The following CDH18 variants were observed in gnomAD, a reference collection of about 807,000 sequenced individuals.
CDH18 encodes the protein cadherin 18, also known as cadherin-18.
CDH18 carries 31 observed loss-of-function variants against 67.9 expected under a neutral mutation model. The observed-to-expected ratio is 0.46, with a 90% CI of 0.34 to 0.62. The LOEUF is 0.62. CDH18 is among the 20% of genes least tolerant of loss of function. The probability of loss-of-function intolerance (pLI) is 0.01; values close to 1 mark genes in which losing one functional copy is unlikely to be tolerated. For missense variants in CDH18, 890 were observed against 975.5 expected (o/e 0.91, Z 1.17); for synonymous variants, 362 against 347.2 (o/e 1.04, Z -0.48).
intron 2 of CDH18, among the ~76,000 whole-genome samples, chr5:19,953,887 A>G (rs780202673): frequency 7.9e-5 from 12 of 152,180 alleles, no homozygotes; most frequent in Middle Eastern, 3.4e-3. Flanking sequence ...AAAAGAAAAA[A>G]GATTTAATTA....
intron 1 of CDH18, among the ~76,000 whole-genome samples, chr5:20,501,556 A>AATATATATATATAATATATATATATT (rs1754288206): frequency 3.4e-4 from 20 of 58,426 alleles, no homozygotes; most frequent in Non-Finnish European, 4.4e-4. Flanking sequence ...TTATATATAT[A>AATATATATATATAATATATATATATT]ATATATATAT....
intron 3 of CDH18, among the ~76,000 whole-genome samples, chr5:19,792,060 G>T (rs1364590663): frequency 6.6e-6 from 1 of 152,082 alleles, no homozygotes; most frequent in Non-Finnish European, 1.5e-5. Flanking sequence ...TGATATAATG[G>T]TTAATTTTAC....
At chr5:19,816,491 A>G (rs1247433858) in intron 3 of CDH18, among the ~76,000 whole-genome samples, 2 of 151,870 alleles carry the variant, frequency 1.3e-5, no homozygotes, top group Non-Finnish European at 3.0e-5. Flanking sequence ...ATGTCTCCTT[A>G]GTTAAATTAT....
At chr5:20,113,026 T>C (rs1395402966) in intron 2 of CDH18, among the ~76,000 whole-genome samples, 4 of 152,224 alleles carry the variant, frequency 2.6e-5, no homozygotes, top group Non-Finnish European at 1.5e-5. Context: ...CACATTACAA[T>C]CATTGTTTCT....
intron 5 of CDH18, among the ~76,000 whole-genome samples, chr5:19,625,460 A>C (rs959099855): frequency 6.7e-6 from 1 of 148,676 alleles, no homozygotes; most frequent in South Asian, 2.1e-4. Flanking sequence ...GAGTGATTAC[A>C]AAAAAAAAGC....
At chr5:20,071,153 A>T (rs1743445079) in intron 2 of CDH18, among the ~76,000 whole-genome samples, 1 of 152,150 alleles carries the variant, frequency 6.6e-6, no homozygotes, top group African/African-American at 2.4e-5. Flanking sequence ...AGAAACAATG[A>T]GAAGCTACAG....
rs906992171 is a variant in CDH18 at position 20,065,847 on chromosome 5, T to C, written c.-517-73833A>G. ...CAACCATCATAGGTTGGGGACCATC[T>C]GTATTTCCTGAATCTTTAAAAAGAG... On this transcript the variant is annotated intron_variant, in intron 2 of 14. Transcript: ENST00000507958. Among the ~76,000 whole-genome samples, 10 of 152,178 alleles carry C rather than the reference T, an allele frequency of 6.6e-5. No homozygotes were observed. The East Asian group carries it at 1.9e-3, about 29-fold the overall frequency.
At chr5:20,528,000 C>G (rs1338137520) in intron 1 of CDH18, among the ~76,000 whole-genome samples, 1 of 152,032 alleles carries the variant, frequency 6.6e-6, no homozygotes, top group East Asian at 1.9e-4. Context: ...CATTGGTGTG[C>G]TGTATTCAAG....
chr5:20,201,593 A>G (rs1273679137), intron 2 of CDH18, among the ~76,000 whole-genome samples: 6 of 152,150 alleles, frequency 3.9e-5, no homozygotes, highest in African/African-American at 7.2e-5. Flanking sequence ...AAACATATAA[A>G]TAGCTACATA....
At chr5:19,480,209 G>C (rs1002842776) in intron 12 of CDH18, among the ~76,000 whole-genome samples, 12 of 152,070 alleles carry the variant, frequency 7.9e-5, no homozygotes, top group Admixed American at 5.9e-4. Context: ...GGACTCTAGA[G>C]AGATCCAGGG....
At chr5:19,732,917 A>T (rs1767809621) in intron 4 of CDH18, among the ~76,000 whole-genome samples, 1 of 152,162 alleles carries the variant, frequency 6.6e-6, no homozygotes, top group Admixed American at 6.5e-5. Flanking sequence ...TGGTCACACA[A>T]CTGGAGCCTC....
intron 2 of CDH18, among the ~76,000 whole-genome samples, chr5:19,880,667 T>G (rs1415922399): frequency 2.6e-5 from 4 of 152,152 alleles, no homozygotes; most frequent in African/African-American, 9.6e-5. Flanking sequence ...TACAGTAAAT[T>G]ATTCAAGTAT....
At chr5:19,643,793 G>T (rs1275640756) in intron 5 of CDH18, among the ~76,000 whole-genome samples, 1 of 151,986 alleles carries the variant, frequency 6.6e-6, no homozygotes, top group Non-Finnish European at 1.5e-5. Flanking sequence ...TAAAATGTTG[G>T]ATACTCAAAA....
intron 1 of CDH18, among the ~76,000 whole-genome samples, chr5:20,374,188 T>C (rs1233457802): frequency 2.6e-5 from 4 of 152,194 alleles, no homozygotes; most frequent in African/African-American, 9.6e-5. Context: ...TCTGATTTAG[T>C]AATCTGTTCC....
chr5:20,054,795 C>T (rs1187041346), intron 2 of CDH18, among the ~76,000 whole-genome samples: 1 of 152,124 alleles, frequency 6.6e-6, no homozygotes, highest in East Asian at 1.9e-4. Context: ...AAAAGTATGG[C>T]TTTTTCAAAT....
At chr5:20,092,316 G>A (rs902435915) in intron 2 of CDH18, among the ~76,000 whole-genome samples, 1 of 152,112 alleles carries the variant, frequency 6.6e-6, no homozygotes, top group African/African-American at 2.4e-5. Flanking sequence ...TTCCCATGGT[G>A]TTTTAAAGAC....
rs1053343104 is a variant in CDH18 at position 19,501,022 on chromosome 5, G to C, written c.1630+1970C>G. Among the ~76,000 whole-genome samples the C allele has an allele frequency of 6.6e-5, 10 of 151,502 alleles. No individual in the cohort carries two copies. In the East Asian group the frequency reaches 1.2e-3, roughly 18 times the overall value. On this transcript the variant is annotated intron_variant, in intron 11 of 12. Transcript: ENST00000382275. Reference sequence around the variant, plus strand: ...GTGGTGGGCGCCTGTAATCCCAGCTGCTTGGGAAGCCAAGGAAGGAGAATC... The same window carrying C: ...GTGGTGGGCGCCTGTAATCCCAGCTCCTTGGGAAGCCAAGGAAGGAGAATC...
At chr5:20,262,822 A>G (rs934653063) in intron 1 of CDH18, among the ~76,000 whole-genome samples, 6 of 152,100 alleles carry the variant, frequency 3.9e-5, no homozygotes, top group Non-Finnish European at 8.8e-5. Flanking sequence ...TTGATTTGAG[A>G]AACACTGGTG....
At chr5:20,079,996 T>A (rs1218405121) in intron 2 of CDH18, among the ~76,000 whole-genome samples, 1 of 152,126 alleles carries the variant, frequency 6.6e-6, no homozygotes, top group East Asian at 1.9e-4. Flanking sequence ...CATGAACTCA[T>A]CACATTTCAA....
Sources: gnomAD v4.1 joint callset for allele counts (sites outside exome capture counted in the v4.1 genomes callset) on GRCh38, gnomAD v4.1.1 for gene constraint, MANE v1.5 for transcripts, NCBI Gene and HGNC (gene_info 2026-07-23, HGNC 2026-07-21) for gene names.